UBE2E2: variants seen among roughly 807,000 people sequenced by gnomAD.
UBE2E2 encodes ubiquitin-conjugating enzyme E2 E2.
Under a neutral mutation model 24.7 loss-of-function variants are expected in UBE2E2, and 6 were observed. The ratio of observed to expected loss-of-function variants is 0.24; its 90% CI spans 0.13 to 0.48. The LOEUF is 0.48. Ranked by LOEUF, UBE2E2 falls within the 20% of genes least tolerant of loss-of-function variation. The pLI is 0.99. For synonymous variants in UBE2E2, 104 were observed against 83.6 expected (o/e 1.24, Z -1.33); for missense variants, 169 against 245.0 (o/e 0.69, Z 2.07).
chr3:23,412,799 C>A (rs1697523681), intron 3 of UBE2E2, among the ~76,000 whole-genome samples: 1 of 152,146 alleles, frequency 6.6e-6, no homozygotes, highest in Non-Finnish European at 1.5e-5. Context: ...CCTCAGGCCT[C>A]ACCCCACATT....
At chr3:23,402,204 A>T (rs986853201) in intron 3 of UBE2E2, among the ~76,000 whole-genome samples, 1 of 152,136 alleles carries the variant, frequency 6.6e-6, no homozygotes, top group South Asian at 2.1e-4. Flanking sequence ...TAAATCCCTT[A>T]GTTGATAAGT....
At chr3:23,363,514 AT>A (rs568479596) in intron 3 of UBE2E2, among the ~76,000 whole-genome samples, 1 of 152,360 alleles carries the variant, frequency 6.6e-6, no homozygotes, top group Admixed American at 6.5e-5. Flanking sequence ...TTCTGACAAA[AT>A]AGACGTTAAA....
intron 2 of UBE2E2, among the ~76,000 whole-genome samples, chr3:23,212,220 TTC>T (rs1696346580): frequency 6.6e-6 from 1 of 152,234 alleles, no homozygotes; most frequent in Non-Finnish European, 1.5e-5. Context: ...AGAAATTAAT[TTC>T]TGTCTCAGAG....
At chr3:23,469,844 G>A (rs1156958238) in intron 3 of UBE2E2, among the ~76,000 whole-genome samples, 1 of 152,156 alleles carries the variant, frequency 6.6e-6, no homozygotes, top group Non-Finnish European at 1.5e-5. Flanking sequence ...TCTAAAATAA[G>A]CACAAATTGT....
At chr3:23,523,940 G>A (rs1475489791) in intron 4 of UBE2E2, among the ~76,000 whole-genome samples, 1 of 150,702 alleles carries the variant, frequency 6.6e-6, no homozygotes, top group Non-Finnish European at 1.5e-5. Context: ...ACTGATTCAT[G>A]GCATGGGGGC....
At chr3:23,227,000 A>G (rs932337187) in intron 3 of UBE2E2, among the ~76,000 whole-genome samples, 2 of 151,500 alleles carry the variant, frequency 1.3e-5, no homozygotes, top group African/African-American at 4.8e-5. Flanking sequence ...GGCAGTGGAA[A>G]TGGGAGACGT....
At chr3:23,302,672 C>T (rs1699130943) in intron 3 of UBE2E2, among the ~76,000 whole-genome samples, 1 of 152,192 alleles carries the variant, frequency 6.6e-6, no homozygotes, top group Non-Finnish European at 1.5e-5. Flanking sequence ...TGCCCTTGAT[C>T]ATATTATTTA....
At chr3:23,591,811 C>T (rs1696771574), downstream of UBE2E2, 1 of 152,158 alleles carries the variant, frequency 6.6e-6, no homozygotes, top group Non-Finnish European at 1.5e-5. Context: ...GAAAGTTGCT[C>T]AGAATGTTTA....
In UBE2E2 at chr3:23,341,137, C is replaced by A. The variant is rs1575571974; in HGVS notation, c.227+123825C>A. 3.9e-5 allele frequency among the ~76,000 whole-genome samples: 6 copies of A among 151,988 alleles called. No individual in the cohort carries two copies. In the South Asian group the frequency reaches 1.2e-3, roughly 31 times the overall value. On this transcript the variant is annotated intron_variant, in intron 3 of 5. Transcript: ENST00000396703. ...TAAGTCTTGCTAATAGCCTAAAAGT[C>A]TATTTTTTTCACCCAACTGCAGCAT...
At chr3:23,297,486 A>G (rs1038214087) in intron 3 of UBE2E2, among the ~76,000 whole-genome samples, 1 of 152,134 alleles carries the variant, frequency 6.6e-6, no homozygotes, top group African/African-American at 2.4e-5. Flanking sequence ...TAATTTTTGT[A>G]TAAGGTGTAA....
In UBE2E2 at chr3:23,489,075, G is replaced by A. The variant is rs373982594; in HGVS notation, c.228-10533G>A. On this transcript the variant is annotated intron_variant, in intron 3 of 5. Coordinates refer to ENST00000396703, the MANE Select transcript of UBE2E2 (RefSeq NM_152653.4). The stretch of plus-strand genomic sequence containing the variant: ...ATCTAATTGGCAGATGTAGTGACAG[G>A]ATAAGAGTCTTCACTTTAGAATTAG... Among the ~76,000 whole-genome samples the A allele has an allele frequency of 2.0e-4, 31 of 152,260 alleles. No homozygotes were observed. In the East Asian group the frequency reaches 3.9e-3, roughly 19 times the overall value.
intron 3 of UBE2E2, among the ~76,000 whole-genome samples, chr3:23,368,610 C>G (rs977746107): frequency 2.0e-5 from 3 of 152,004 alleles, no homozygotes; most frequent in Non-Finnish European, 2.9e-5. Context: ...GAATACTTTT[C>G]TATGTTATTA....
At position 23,474,554 on chromosome 3, in the gene UBE2E2, A is replaced by G. The variant is rs1321529035; in HGVS notation, c.228-25054A>G. On this transcript the variant is annotated intron_variant, in intron 3 of 5. Transcript: ENST00000396703. This position sits in a 1 kb window ranked among gnomAD's most constrained non-coding sequence, Gnocchi z 4.0. ...TATTGTTGAAGGGGGCTTTGGTGAT[A>G]TCTAATCCACCTTCCTCATCTTCAT... is the stretch of plus-strand genomic sequence containing the variant. 1.6e-4 allele frequency among the ~76,000 whole-genome samples: 24 copies of G among 152,236 alleles called. No individual in the cohort carries two copies. Among genetic ancestry groups the G allele is most frequent in the Non-Finnish European group, 1.2e-4 (8 of 68,036 alleles).
At chr3:23,401,838 TG>T (rs1697230229) in intron 3 of UBE2E2, among the ~76,000 whole-genome samples, 1 of 145,202 alleles carries the variant, frequency 6.9e-6, no homozygotes, top group Non-Finnish European at 1.5e-5. Context: ...TGCACCACCA[TG>T]CCTGGCTACT....
At chr3:23,356,843 C>G (rs1695968995) in intron 3 of UBE2E2, among the ~76,000 whole-genome samples, 1 of 152,214 alleles carries the variant, frequency 6.6e-6, no homozygotes. Flanking sequence ...AGTTTATGGA[C>G]AAACTGTCTT....
At chr3:23,285,734 G>GCCC (rs1698601725) in intron 3 of UBE2E2, among the ~76,000 whole-genome samples, 1 of 152,068 alleles carries the variant, frequency 6.6e-6, no homozygotes, top group African/African-American at 2.4e-5. Context: ...TTGAGACATA[G>GCCC]CTTTGTCATC....
chr3:23,351,072 G>A (rs926764318), intron 3 of UBE2E2, among the ~76,000 whole-genome samples: 6 of 151,982 alleles, frequency 3.9e-5, no homozygotes, highest in Non-Finnish European at 8.8e-5. Context: ...AGAGAGTGGG[G>A]ACAAATATTC....
chr3:23,209,299 A>T lies in UBE2E2; in HGVS notation c.176+424A>T, dbSNP rs1375677124. On this transcript the variant is annotated intron_variant, in intron 2 of 5. Coordinates refer to ENST00000396703, the MANE Select transcript of UBE2E2 (RefSeq NM_152653.4). The stretch of plus-strand genomic sequence containing the variant: ...CTACTCCCAGTTGGTAAAGTCAGAA[A>T]TGCTGACATTAGCAACAGGTGCATC... Among the ~76,000 whole-genome samples, 3 of 152,222 alleles carry T rather than the reference A, an allele frequency of 2.0e-5. No homozygotes were observed. The East Asian group carries it at 5.8e-4, about 29-fold the overall frequency.
chr3:23,568,822 T>C (rs1200395957), intron 5 of UBE2E2, among the ~76,000 whole-genome samples: 3 of 151,356 alleles, frequency 2.0e-5, no homozygotes, highest in Non-Finnish European at 4.4e-5. Flanking sequence ...TTCTTTAAAA[T>C]CTAGTATCCA....
Sources: allele counts gnomAD v4.1 joint callset (sites outside exome capture counted in the v4.1 genomes callset), GRCh38; gene constraint gnomAD v4.1.1; non-coding constraint Gnocchi (gnomAD v3.1); transcripts MANE v1.5; gene names NCBI Gene and HGNC (gene_info 2026-07-23, HGNC 2026-07-21).